GAP43: variants seen among roughly 807,000 people sequenced by gnomAD.
GAP43 encodes growth associated protein 43.
In GAP43, 6 loss-of-function variants were observed where a neutral mutation model predicts 18.6. That is an observed-to-expected ratio of 0.32 (90% CI 0.18 to 0.64). The LOEUF (loss-of-function observed/expected upper bound fraction) is 0.64, where lower values mean the gene tolerates loss of function less well. Ranked by LOEUF, GAP43 falls within the 30% of genes least tolerant of loss-of-function variation. The pLI, the probability that GAP43 is intolerant of heterozygous loss-of-function variation, is 0.78. For synonymous variants in GAP43, 115 were observed against 111.4 expected (o/e 1.03, Z -0.20); for missense variants, 292 against 295.5 (o/e 0.99, Z 0.09).
chr3:115,651,978 G>A (rs969878471), intron 1 of GAP43, among the ~76,000 whole-genome samples: 1 of 152,038 alleles, frequency 6.6e-6, no homozygotes, highest in Non-Finnish European at 1.5e-5. Context: ...TAGTTTTTCT[G>A]ATCTTTTATT....
At chr3:115,713,876 T>C (rs985768114) in intron 2 of GAP43, among the ~76,000 whole-genome samples, 3 of 152,230 alleles carry the variant, frequency 2.0e-5, no homozygotes, top group Admixed American at 6.5e-5. Context: ...GAAACTACTA[T>C]GGTTTTTCCT....
intron 2 of GAP43, among the ~76,000 whole-genome samples, chr3:115,712,149 C>T (rs752723645): frequency 7.2e-5 from 11 of 152,122 alleles, no homozygotes; most frequent in Non-Finnish European, 1.3e-4. Flanking sequence ...AAAAATATCT[C>T]TGGGTTTTTT....
intron 1 of GAP43, among the ~76,000 whole-genome samples, chr3:115,656,513 C>T (rs1027120684): frequency 6.6e-6 from 1 of 152,102 alleles, no homozygotes; most frequent in Non-Finnish European, 1.5e-5. Context: ...AATATGTATA[C>T]TGAGGGTGGG....
chr3:115,632,956 G>GT (rs1324127137), intron 1 of GAP43, among the ~76,000 whole-genome samples: 1 of 151,472 alleles, frequency 6.6e-6, no homozygotes, highest in Non-Finnish European at 1.5e-5. Context: ...TTATATATGC[G>GT]TTTTTTGATT....
At position 115,720,824 on chromosome 3, in the gene GAP43, G is replaced by C. The variant is rs1346450715; in HGVS notation, c.659G>C (p.Ser220Thr). Reference protein sequence around the residue: ...EAVDETKPKESARQDEGKEEE... With the variant: ...EAVDETKPKETARQDEGKEEE... ...GTAGATGAAACCAAACCTAAGGAAA[G>C]TGCCCGGCAGGACGAGGGTAAAGAA... Residue 220 changes from serine to threonine, a missense_variant, in exon 3 of 3, where the codon AGT becomes ACT. Ser to Thr is a moderately conservative substitution (Grantham distance 58). Transcript: ENST00000305124. 6.2e-7 allele frequency: 1 copy of C among 1,612,934 alleles called. No homozygotes were observed. Among genetic ancestry groups the C allele is most frequent in the Non-Finnish European group, 8.5e-7 (1 of 1,179,384 alleles).
chr3:115,670,589 T>G (rs922965824), intron 1 of GAP43, among the ~76,000 whole-genome samples: 1 of 152,200 alleles, frequency 6.6e-6, no homozygotes, highest in Non-Finnish European at 1.5e-5. Flanking sequence ...GTGAACTACT[T>G]TAATACTTGC....
chr3:115,636,190 G>A (rs1402526782), intron 1 of GAP43, among the ~76,000 whole-genome samples: 1 of 152,004 alleles, frequency 6.6e-6, no homozygotes, highest in African/African-American at 2.4e-5. Flanking sequence ...CTCAAAAAGT[G>A]TCATGTTGAA....
chr3:115,686,613 T>A (rs998258847), intron 2 of GAP43, among the ~76,000 whole-genome samples: 4 of 152,178 alleles, frequency 2.6e-5, no homozygotes, highest in Non-Finnish European at 5.9e-5. Context: ...AAAGTAATCA[T>A]CAGATATAAA....
Position 115,647,758 on chromosome 3 carries a change from CA to C in GAP43, c.30+24051del, listed in dbSNP as rs111391501. On this transcript the variant is annotated intron_variant, in intron 1 of 2. Coordinates refer to ENST00000305124, the MANE Select transcript of GAP43 (RefSeq NM_002045.4). The stretch of plus-strand genomic sequence containing the variant: ...ACAAAAACAAAACAAAACAAAAAAA[CA>C]AAAAAAAAAAACGGCCTGATAGGGC... 8.9e-4 allele frequency among the ~76,000 whole-genome samples: 117 copies of C among 132,116 alleles called. 1 individual carries two copies. Among genetic ancestry groups the C allele is most frequent in the East Asian group, 2.3e-3 (11 of 4,696 alleles). 86.7% of individuals were successfully genotyped at this position (132,116 alleles called of 152,430 possible). A position where few individuals can be genotyped will look rare whatever the true frequency, so the allele number is the denominator to read the frequency against.
intron 2 of GAP43, among the ~76,000 whole-genome samples, chr3:115,688,794 G>A (rs952504711): frequency 2.6e-5 from 4 of 152,144 alleles, no homozygotes; most frequent in Admixed American, 1.3e-4. Flanking sequence ...TAGACTACTT[G>A]AAAAACCACT....
At chr3:115,702,385 A>G (rs1357679440) in intron 2 of GAP43, among the ~76,000 whole-genome samples, 1 of 152,114 alleles carries the variant, frequency 6.6e-6, no homozygotes, top group East Asian at 1.9e-4. Context: ...ATTGACTTGA[A>G]TCTTGGATTG....
intron 1 of GAP43, among the ~76,000 whole-genome samples, chr3:115,639,894 T>G (rs971491413): frequency 3.3e-5 from 5 of 152,080 alleles, no homozygotes; most frequent in African/African-American, 9.7e-5. Flanking sequence ...TGCAAGAATA[T>G]TTAAGAGAAT....
At chr3:115,694,103 C>T (rs1709152918) in intron 2 of GAP43, among the ~76,000 whole-genome samples, 1 of 152,124 alleles carries the variant, frequency 6.6e-6, no homozygotes, top group Non-Finnish European at 1.5e-5. Flanking sequence ...TTGTCCCCGT[C>T]ACTTGCAGGG....
intron 2 of GAP43, among the ~76,000 whole-genome samples, chr3:115,689,943 G>A (rs1366657963): frequency 6.6e-6 from 1 of 152,216 alleles, no homozygotes; most frequent in East Asian, 1.9e-4. Flanking sequence ...GGGCTGGAGG[G>A]GCGCTGAAGA....
intron 1 of GAP43, chr3:115,658,708 G>T (rs576204821): frequency 2.0e-5 from 3 of 152,220 alleles, no homozygotes; most frequent in African/African-American, 4.8e-5. Flanking sequence ...GAGGCCTCTT[G>T]CTCCCCGAAC....
chr3:115,634,722 A>G (rs915686833), intron 1 of GAP43, among the ~76,000 whole-genome samples: 2 of 152,126 alleles, frequency 1.3e-5, no homozygotes, highest in Non-Finnish European at 2.9e-5. Flanking sequence ...GTGAGCTCTG[A>G]TCACACCACT....
chr3:115,629,315 A>AT (rs1371478995), intron 1 of GAP43, among the ~76,000 whole-genome samples: 1 of 151,736 alleles, frequency 6.6e-6, no homozygotes, highest in African/African-American at 2.4e-5. Flanking sequence ...GGGTTTTGTT[A>AT]TTTTCTTTGT....
At position 115,635,440 on chromosome 3, in the gene GAP43, A is replaced by G. The variant is rs114154897; in HGVS notation, c.30+11721A>G. ...TCCTTGCTTACACATTCTTTCTTCCATCTTAAACTTTGTACCTTACACCTC... is the reference window on the plus strand; with the variant it reads ...TCCTTGCTTACACATTCTTTCTTCCGTCTTAAACTTTGTACCTTACACCTC... On this transcript the variant is annotated intron_variant, in intron 1 of 2. Coordinates refer to ENST00000305124, the MANE Select transcript of GAP43 (RefSeq NM_002045.4). Among the ~76,000 whole-genome samples, 783 of 152,254 alleles carry G rather than the reference A, an allele frequency of 5.1e-3. 5 individuals carry two copies. The highest frequency in any genetic ancestry group is 0.018 in the African/African-American group (751 of 41,560).
intron 1 of GAP43, among the ~76,000 whole-genome samples, chr3:115,649,727 G>A (rs147064096): frequency 6.6e-6 from 1 of 150,764 alleles, no homozygotes; most frequent in Admixed American, 6.6e-5. Context: ...TTTAATCCCA[G>A]CTACTCAGTA....
Sources: gnomAD v4.1 joint callset for allele counts (sites outside exome capture counted in the v4.1 genomes callset) on GRCh38, gnomAD v4.1.1 for gene constraint, MANE v1.5 for transcripts, NCBI Gene and HGNC (gene_info 2026-07-23, HGNC 2026-07-21) for gene names.